HECW1: variants seen among roughly 807,000 people sequenced by gnomAD.
HECW1 encodes the protein HECT, C2 and WW domain containing E3 ubiquitin protein ligase 1, also known as E3 ubiquitin-protein ligase HECW1.
In HECW1, 61 loss-of-function variants were observed where a neutral mutation model predicts 182.3. That is an observed-to-expected ratio of 0.33 (90% CI 0.27 to 0.41). The LOEUF (loss-of-function observed/expected upper bound fraction) is 0.41, where lower values mean the gene tolerates loss of function less well. Ranked by LOEUF, HECW1 falls within the 10% of genes least tolerant of loss-of-function variation. The pLI is 1.00. For missense variants in HECW1, 1,739 were observed against 2,108.9 expected (o/e 0.82, Z 3.44); for synonymous variants, 859 against 832.6 (o/e 1.03, Z -0.55).
Position 43,416,340 on chromosome 7 carries a change from C to T in HECW1, c.801+8609C>T, listed in dbSNP as rs1377562228. Reference sequence around the variant, plus strand: ...GGGGGTGCCTCCCAGTTAGGCTGCTCGGGGGTCAGGGGTCAGGGACCCACT... The same window carrying T: ...GGGGGTGCCTCCCAGTTAGGCTGCTTGGGGGTCAGGGGTCAGGGACCCACT... On this transcript the variant is annotated intron_variant, in intron 8 of 29. Coordinates refer to ENST00000395891, the MANE Select transcript of HECW1 (RefSeq NM_015052.5). 4.0e-5 allele frequency among the ~76,000 whole-genome samples: 6 copies of T among 151,306 alleles called. No homozygotes were observed. In the East Asian group the frequency reaches 7.8e-4, roughly 20 times the overall value.
chr7:43,379,126 T>C (rs954808332), intron 6 of HECW1, among the ~76,000 whole-genome samples: 1 of 152,184 alleles, frequency 6.6e-6, no homozygotes, highest in South Asian at 2.1e-4. Flanking sequence ...TAATTCTCTG[T>C]CCACTCTTTA....
chr7:43,177,172 G>T (rs1353616792), intron 2 of HECW1, among the ~76,000 whole-genome samples: 1 of 152,122 alleles, frequency 6.6e-6, no homozygotes, highest in Non-Finnish European at 1.5e-5. Context: ...GAAAACAGAA[G>T]CTTGGACCCT....
At chr7:43,196,131 C>G (rs1794437296) in intron 2 of HECW1, among the ~76,000 whole-genome samples, 1 of 152,170 alleles carries the variant, frequency 6.6e-6, no homozygotes, top group Non-Finnish European at 1.5e-5. Flanking sequence ...ATTTTCCAAT[C>G]TCCTGCAACC....
intron 6 of HECW1, among the ~76,000 whole-genome samples, chr7:43,387,464 A>G (rs146719833): frequency 4.5e-4 from 68 of 152,310 alleles, no homozygotes; most frequent in African/African-American, 1.6e-3. Flanking sequence ...TTCTGCCTGT[A>G]TGTTTATCTA....
intron 17 of HECW1, among the ~76,000 whole-genome samples, chr7:43,490,750 T>TTTTTG (rs1044460637): frequency 4.6e-5 from 7 of 152,228 alleles, no homozygotes; most frequent in East Asian, 3.9e-4. Context: ...TAAGTTAGTT[T>TTTTTG]TTTTGTTTTG....
chr7:43,560,655 C>CAGTG (rs1324460576), intron 29 of HECW1, among the ~76,000 whole-genome samples: 1 of 152,102 alleles, frequency 6.6e-6, no homozygotes, highest in East Asian at 1.9e-4. Flanking sequence ...TCAGCCTGGG[C>CAGTG]AGTGATCTGA....
At chr7:43,176,689 G>A (rs1792285247) in intron 2 of HECW1, among the ~76,000 whole-genome samples, 1 of 152,198 alleles carries the variant, frequency 6.6e-6, no homozygotes, top group Non-Finnish European at 1.5e-5. Flanking sequence ...ACCCATGCAT[G>A]AGGGCAGAGT....
intron 3 of HECW1, chr7:43,249,102 C>T (rs1440017924): frequency 1.3e-5 from 2 of 152,320 alleles, no homozygotes; most frequent in African/African-American, 2.4e-5. Context: ...TCGCCCTCTG[C>T]CCCCTAGGTG....
intron 24 of HECW1, chr7:43,511,441 C>T (rs1696958991): frequency 3.3e-5 from 5 of 152,240 alleles, no homozygotes; most frequent in African/African-American, 7.2e-5. Context: ...CCCGAGAGTC[C>T]TCAGCCTGGC....
At chr7:43,247,586 T>C (rs1232983644) in intron 3 of HECW1, among the ~76,000 whole-genome samples, 1 of 150,426 alleles carries the variant, frequency 6.6e-6, no homozygotes, top group Non-Finnish European at 1.5e-5. Context: ...TGCAGTGGGC[T>C]ATAATCGTGC....
At chr7:43,547,999 C>A (rs1449565893) in intron 26 of HECW1, among the ~76,000 whole-genome samples, 3 of 152,214 alleles carry the variant, frequency 2.0e-5, no homozygotes, top group Admixed American at 2.0e-4. Context: ...GAGGTGACTA[C>A]AAAATTATTA....
rs773203507 is a variant in HECW1, at chr7:43,509,074, G to A, written c.3972G>A (p.Thr1324=). 6.7e-5 allele frequency: 108 copies of A among 1,613,972 alleles called. No homozygotes were observed. The highest frequency in any genetic ancestry group is 8.0e-5 in the Non-Finnish European group (94 of 1,179,998). ...LFEYSANDTY[T]VQISPMSAFV... is the part of the protein sequence containing the mutation. ...AGTACTCGGCAAATGATACTTACAC[G>A]GTGCAGATCAGCCCCATGTCCGCAT... The change falls in exon 24 of 30, where the codon ACG becomes ACA. Residue 1324 remains threonine, a synonymous_variant. Coordinates refer to ENST00000395891, the MANE Select transcript of HECW1 (RefSeq NM_015052.5).
chr7:43,561,318 T>A (rs1157769434), intron 29 of HECW1, among the ~76,000 whole-genome samples: 1 of 151,916 alleles, frequency 6.6e-6, no homozygotes, highest in Non-Finnish European at 1.5e-5. Context: ...GGTAGAGGAG[T>A]CAGACTTGTC....
chr7:43,499,274 C>A lies in HECW1; in HGVS notation c.3438-1425C>A, dbSNP rs370739489. The stretch of plus-strand genomic sequence containing the variant: ...CTGCAGAGTGAGCAACAGAGTGAGA[C>A]CCTGTCTCAAAAAAATAAAAAATTT... On this transcript the variant is annotated intron_variant, in intron 19 of 29. Coordinates refer to ENST00000395891, the MANE Select transcript of HECW1 (RefSeq NM_015052.5). Among the ~76,000 whole-genome samples, 33 of 152,022 alleles carry A rather than the reference C, an allele frequency of 2.2e-4. No individual in the cohort carries two copies. The East Asian group carries it at 4.6e-3, about 21-fold the overall frequency.
Position 43,546,962 on chromosome 7 carries a change from C to A in HECW1, c.4249-3483C>A, listed in dbSNP as rs545499141. Among the ~76,000 whole-genome samples, 12 of 152,272 alleles carry A rather than the reference C, an allele frequency of 7.9e-5. No homozygotes were observed. The South Asian group carries it at 2.3e-3, about 29-fold the overall frequency. ...GGGCACTTTCGCCTGCATTAAAAAC[C>A]TGTACAGGCCGATATCCTTTCTCCT... On this transcript the variant is annotated intron_variant, in intron 26 of 29. Transcript: ENST00000395891.
intron 2 of HECW1, among the ~76,000 whole-genome samples, chr7:43,219,671 G>C (rs928978165): frequency 6.6e-6 from 1 of 152,140 alleles, no homozygotes; most frequent in Non-Finnish European, 1.5e-5. Flanking sequence ...GAACAGGACA[G>C]GGATTTTCAC....
At chr7:43,440,318 C>T (rs1045664153) in intron 9 of HECW1, 1 of 152,494 alleles carries the variant, frequency 6.6e-6, no homozygotes, top group Non-Finnish European at 1.5e-5. Flanking sequence ...CACCTTTCCC[C>T]CCTGGGCACA....
At chr7:43,424,550 G>C (rs2076294478) in intron 8 of HECW1, among the ~76,000 whole-genome samples, 1 of 152,106 alleles carries the variant, frequency 6.6e-6, no homozygotes, top group Admixed American at 6.5e-5. Flanking sequence ...TTGAGCCCGG[G>C]GGGTCAAGGC....
chr7:43,285,491 C>T (rs903142715), intron 3 of HECW1, among the ~76,000 whole-genome samples: 14 of 152,104 alleles, frequency 9.2e-5, no homozygotes, highest in Non-Finnish European at 2.1e-4. Flanking sequence ...ATCAGGAGTG[C>T]AGTCGGGAAT....
Sources: gnomAD v4.1 joint callset for allele counts (sites outside exome capture counted in the v4.1 genomes callset) on GRCh38, gnomAD v4.1.1 for gene constraint, MANE v1.5 for transcripts, NCBI Gene and HGNC (gene_info 2026-07-23, HGNC 2026-07-21) for gene names.